RPS6KC1: variants seen among roughly 807,000 people sequenced by gnomAD.
RPS6KC1 encodes ribosomal protein S6 kinase C1, also known as inactive ribosomal protein S6 kinase delta-1.
RPS6KC1 carries 54 observed loss-of-function variants against 103.8 expected under a neutral mutation model. The ratio of observed to expected loss-of-function variants is 0.52; its 90% CI spans 0.42 to 0.65. The LOEUF is 0.65. RPS6KC1 is among the 30% of genes least tolerant of loss of function. The probability of loss-of-function intolerance (pLI) is 0.00; values close to 1 mark genes in which losing one functional copy is unlikely to be tolerated. For missense variants in RPS6KC1, 1,151 were observed against 1,253.8 expected, an observed-to-expected ratio of 0.92 and a Z score of 1.24; for synonymous variants, 439 against 438.7, an observed-to-expected ratio of 1.00 and a Z score of -0.01.
the RPS6KC1 span, among the ~76,000 whole-genome samples, chr1:213,685,930 G>C: frequency 8.6e-3 from 1,307 of 152,306 alleles, 30 homozygotes; most frequent in East Asian, 0.087. Flanking sequence ...GCATTTAGAT[G>C]CCTCAGTGAT....
the RPS6KC1 span, among the ~76,000 whole-genome samples, chr1:213,437,387 A>T: frequency 3.3e-5 from 5 of 152,006 alleles, no homozygotes; most frequent in African/African-American, 4.8e-5. Context: ...TAATTTTTTT[A>T]TGTATCACAG....
At chr1:213,225,723 C>T (rs932830026) in intron 8 of RPS6KC1, among the ~76,000 whole-genome samples, 5 of 152,180 alleles carry the variant, frequency 3.3e-5, no homozygotes, top group African/African-American at 1.2e-4. Flanking sequence ...CTTCATGCTT[C>T]ATGACTAAGT....
the RPS6KC1 span, among the ~76,000 whole-genome samples, chr1:213,845,921 A>AC: frequency 2.6e-5 from 4 of 151,968 alleles, no homozygotes; most frequent in Admixed American, 1.3e-4. Context: ...GCCTTTAGGG[A>AC]CCCCTAGGGT....
Position 213,077,817 on chromosome 1 carries a change from G to T in RPS6KC1, c.262+1G>T. 6.6e-7 allele frequency: 1 copy of T among 1,509,184 alleles called. No homozygotes were observed. The highest frequency in any genetic ancestry group is 8.9e-7 in the Non-Finnish European group (1 of 1,123,932). The allele number at this position is 1,509,184 out of a possible 1,614,324, so 93.5% of individuals were successfully genotyped here. On this transcript the variant is annotated splice_donor_variant, in intron 3 of 14. Transcript: ENST00000366960. LOFTEE classifies it high-confidence loss of function. The stretch of plus-strand genomic sequence containing the variant: ...CCATTTGCTAAAGGAATAGTGTTTG[G>T]TAAGTGATTATTTTGAAATTGTAAT...
chr1:213,392,899 T>A, the RPS6KC1 span, among the ~76,000 whole-genome samples: 1 of 152,212 alleles, frequency 6.6e-6, no homozygotes, highest in East Asian at 1.9e-4. Context: ...AAAGTGCGGA[T>A]GTTGGTGTAT....
the RPS6KC1 span, among the ~76,000 whole-genome samples, chr1:213,644,299 G>A: frequency 6.6e-6 from 1 of 151,844 alleles, no homozygotes; most frequent in Non-Finnish European, 1.5e-5. Flanking sequence ...CATATACATG[G>A]TCTTCTCCAT....
the RPS6KC1 span, among the ~76,000 whole-genome samples, chr1:213,605,697 C>T: frequency 6.6e-6 from 1 of 152,166 alleles, no homozygotes; most frequent in South Asian, 2.1e-4. Context: ...TGAATAAACA[C>T]TCATGGAAAG....
rs535328111 is a variant in RPS6KC1, at chr1:213,223,743, A to G, written c.1045-6754A>G. Among the ~76,000 whole-genome samples, 5 of 152,244 alleles carry G rather than the reference A, an allele frequency of 3.3e-5. 1 individual carries two copies. In the South Asian group the frequency reaches 1.0e-3, roughly 32 times the overall value. On this transcript the variant is annotated intron_variant, in intron 8 of 14. Coordinates refer to ENST00000366960, the MANE Select transcript of RPS6KC1 (RefSeq NM_012424.6). ...AGCTACCCAGTAGTGGGATTGTTGGATAGAATGGTAGTTCTACTTTTAGTT... is the reference window on the plus strand; with the variant it reads ...AGCTACCCAGTAGTGGGATTGTTGGGTAGAATGGTAGTTCTACTTTTAGTT...
the RPS6KC1 span, among the ~76,000 whole-genome samples, chr1:213,518,568 AT>A: frequency 6.6e-6 from 1 of 152,172 alleles, no homozygotes; most frequent in African/African-American, 2.4e-5. Context: ...AAGATAATTA[AT>A]TTGTTCTTTA....
At chr1:213,592,350 A>C in the RPS6KC1 span, among the ~76,000 whole-genome samples, 1 of 152,240 alleles carries the variant, frequency 6.6e-6, no homozygotes, top group Non-Finnish European at 1.5e-5. Context: ...TAGGATAAAT[A>C]TATCCAGCAG....
At chr1:213,329,672 C>T in the RPS6KC1 span, among the ~76,000 whole-genome samples, 1 of 152,098 alleles carries the variant, frequency 6.6e-6, no homozygotes, top group South Asian at 2.1e-4. Flanking sequence ...CTGTCTTAGG[C>T]TCCTTGGAAA....
chr1:213,809,424 G>T, the RPS6KC1 span, among the ~76,000 whole-genome samples: 1 of 152,130 alleles, frequency 6.6e-6, no homozygotes, highest in Non-Finnish European at 1.5e-5. Flanking sequence ...TTACCAAAAT[G>T]AGACCCAGAG....
the RPS6KC1 span, among the ~76,000 whole-genome samples, chr1:213,428,467 T>TCCCA: frequency 2.3e-5 from 1 of 44,286 alleles, no homozygotes; most frequent in Non-Finnish European, 4.1e-5. Flanking sequence ...CCTTCTTTCC[T>TCCCA]CCCTCCCTCC....
At chr1:213,716,082 T>C in the RPS6KC1 span, among the ~76,000 whole-genome samples, 6 of 152,222 alleles carry the variant, frequency 3.9e-5, no homozygotes, top group Non-Finnish European at 8.8e-5. Context: ...TTATTTTCTC[T>C]TCAAAATTTC....
At chr1:213,167,699 C>G (rs1205317522) in intron 6 of RPS6KC1, among the ~76,000 whole-genome samples, 159 bp from the exon 7 acceptor site, 1 of 152,100 alleles carries the variant, frequency 6.6e-6, no homozygotes, top group Non-Finnish European at 1.5e-5. Flanking sequence ...AATAGTTAGA[C>G]TTGGTTGATA....
rs367564641 is a variant in RPS6KC1 at position 213,129,590 on chromosome 1, A to T, written c.536A>T (p.Asp179Val). The T allele has an allele frequency of 9.0e-5, 145 of 1,613,794 alleles. No homozygotes were observed. The highest frequency in any genetic ancestry group is 1.2e-4 in the Non-Finnish European group (136 of 1,179,842). ...TVDVDSLAEL[D>V]DGMASNQNSP... ...GATGTGGATTCTCTTGCTGAGTTAG[A>T]TGATGGAATGGCTTCCAATCAAAAT... Residue 179 changes from aspartate (D) to valine (V), a missense_variant, in exon 6 of 15, where the codon GAT becomes GTT. By Grantham distance (152) the Asp-to-Val change is radical. This residue lies in a region of RPS6KC1 where 959 missense variants were observed against 1,006.3 expected (regional missense o/e 0.95). Transcript: ENST00000366960.
chr1:213,795,338 G>A, the RPS6KC1 span, among the ~76,000 whole-genome samples: 408 of 152,256 alleles, frequency 2.7e-3, 2 homozygotes, highest in African/African-American at 9.3e-3. Flanking sequence ...CAGAGTTCAG[G>A]GTGTGAATCC....
chr1:213,459,891 G>T, the RPS6KC1 span, among the ~76,000 whole-genome samples: 1 of 152,174 alleles, frequency 6.6e-6, no homozygotes, highest in African/African-American at 2.4e-5. Flanking sequence ...ATGTAGTTGT[G>T]TGGTTTTGAG....
chr1:213,343,155 A>G, the RPS6KC1 span, among the ~76,000 whole-genome samples: 1 of 151,942 alleles, frequency 6.6e-6, no homozygotes, highest in Non-Finnish European at 1.5e-5. Context: ...AAAAAATGTG[A>G]ATACTAAAAC....
Sources: gnomAD v4.1 joint callset for allele counts (sites outside exome capture counted in the v4.1 genomes callset) on GRCh38, gnomAD v4.1.1 for gene constraint, gnomAD v4.1.1 regional missense constraint, MANE v1.5 for transcripts, NCBI Gene and HGNC (gene_info 2026-07-23, HGNC 2026-07-21) for gene names.